PAK5: variants seen among roughly 807,000 people sequenced by gnomAD.
PAK5 encodes the protein p21 (RAC1) activated kinase 5, also known as serine/threonine-protein kinase PAK 5.
In PAK5, 16 loss-of-function variants were observed where a neutral mutation model predicts 65.9. The ratio of observed to expected loss-of-function variants is 0.24; its 90% CI spans 0.16 to 0.37. The LOEUF is 0.37. Ranked by LOEUF, PAK5 falls within the 10% of genes least tolerant of loss-of-function variation. PAK5 has a pLI of 1.00. For missense variants in PAK5, 785 were observed against 903.9 expected (o/e 0.87, Z 1.69); for synonymous variants, 371 against 354.9 (o/e 1.05, Z -0.51).
At chr20:9,797,213 C>T (rs2049114618) in intron 1 of PAK5, among the ~76,000 whole-genome samples, 1 of 151,784 alleles carries the variant, frequency 6.6e-6, no homozygotes, top group African/African-American at 2.4e-5. Flanking sequence ...TGTTCATATC[C>T]TTCACCCACT....
At chr20:9,820,200 GA>G (rs2049403352) in intron 1 of PAK5, among the ~76,000 whole-genome samples, 1 of 152,118 alleles carries the variant, frequency 6.6e-6, no homozygotes. Context: ...TTAATCTATA[GA>G]AAATCTATTC....
chr20:9,795,387 T>C (rs753382778), intron 1 of PAK5, among the ~76,000 whole-genome samples: 6 of 152,252 alleles, frequency 3.9e-5, no homozygotes, highest in Admixed American at 1.3e-4. Flanking sequence ...TATTTAAATG[T>C]CTTTAAAAAT....
At chr20:9,695,594 G>T (rs2047858147) in intron 2 of PAK5, among the ~76,000 whole-genome samples, 1 of 151,876 alleles carries the variant, frequency 6.6e-6, no homozygotes, top group Non-Finnish European at 1.5e-5. Context: ...CACTTCCAAG[G>T]AACTAAGGTA....
chr20:9,739,228 CTT>C (rs55690747), intron 1 of PAK5, among the ~76,000 whole-genome samples: 5 of 145,622 alleles, frequency 3.4e-5, no homozygotes, highest in Non-Finnish European at 3.0e-5. Flanking sequence ...TCTTTGCTTT[CTT>C]TTTTTTTTTT....
intron 1 of PAK5, among the ~76,000 whole-genome samples, chr20:9,724,018 G>T (rs773746591): frequency 6.5e-4 from 99 of 152,232 alleles, no homozygotes; most frequent in Non-Finnish European, 1.1e-3. Context: ...ATCTTAGTCT[G>T]TGGGCAACAG....
At position 9,539,084 on chromosome 20, in the gene PAK5, CTTTCT is replaced by C; in HGVS notation, c.*373_*377del. The C allele has an allele frequency of 1.8e-5, 4 of 216,504 alleles. No homozygotes were observed. The highest frequency in any genetic ancestry group is 1.7e-5 in the Non-Finnish European group (2 of 116,120). 13.4% of individuals were successfully genotyped at this position (216,504 alleles called of 1,614,324 possible). On this transcript the variant is annotated 3_prime_UTR_variant, in exon 10 of 10. Coordinates refer to ENST00000353224, the MANE Select transcript of PAK5 (RefSeq NM_177990.4). ...AAAAAAGTGCTTTTTGTTTTCCTTTCTTTCTTTTTTTTTTTTTTTTGCCAGAAAAG... is the reference window on the plus strand; with the variant it reads ...AAAAAAGTGCTTTTTGTTTTCCTTTCTTTTTTTTTTTTTTTGCCAGAAAAG...
Position 9,642,047 on chromosome 20 carries a change from G to A in PAK5, c.204+2078C>T, listed in dbSNP as rs537965484. Among the ~76,000 whole-genome samples the A allele has an allele frequency of 5.3e-5, 8 of 152,244 alleles. No individual in the cohort carries two copies. In the East Asian group the frequency reaches 9.7e-4, roughly 18 times the overall value. ...CAGAAAGGGGCTCCCACAGTGCAGC[G>A]GGGGGGCTGAAGGGCTCCTCAAATG... On this transcript the variant is annotated intron_variant, in intron 3 of 9. Transcript: ENST00000353224.
chr20:9,778,487 A>G (rs1434651200), intron 1 of PAK5, among the ~76,000 whole-genome samples: 1 of 152,104 alleles, frequency 6.6e-6, no homozygotes, highest in East Asian at 1.9e-4. Context: ...ATCCACCTAC[A>G]TTGGCCTCCC....
chr20:9,719,800 A>G (rs1210833653), intron 1 of PAK5, among the ~76,000 whole-genome samples: 1 of 152,100 alleles, frequency 6.6e-6, no homozygotes, highest in African/African-American at 2.4e-5. Context: ...CCTCTATAAC[A>G]CCTACTTACA....
intron 2 of PAK5, among the ~76,000 whole-genome samples, chr20:9,678,994 C>T (rs2047613562): frequency 6.6e-6 from 1 of 152,138 alleles, no homozygotes; most frequent in Non-Finnish European, 1.5e-5. Context: ...CAGGTTTGAA[C>T]TGCATGTGTT....
intron 2 of PAK5, among the ~76,000 whole-genome samples, chr20:9,694,472 G>A (rs1051852849): frequency 4.0e-5 from 6 of 151,808 alleles, no homozygotes; most frequent in Admixed American, 1.3e-4. Flanking sequence ...ACAGCTTAAC[G>A]ACTTTTCACA....
chr20:9,786,101 A>C (rs2048989999), intron 1 of PAK5, among the ~76,000 whole-genome samples: 1 of 152,164 alleles, frequency 6.6e-6, no homozygotes, highest in Admixed American at 6.6e-5. Context: ...TCACAGCCTG[A>C]TTCCAGCAGG....
At chr20:9,659,450 G>A (rs2047314339) in intron 2 of PAK5, among the ~76,000 whole-genome samples, 1 of 152,124 alleles carries the variant, frequency 6.6e-6, no homozygotes, top group South Asian at 2.1e-4. Flanking sequence ...AATGGTGTTC[G>A]ACTTATTTCC....
chr20:9,813,107 T>C (rs1255229416), intron 1 of PAK5, among the ~76,000 whole-genome samples: 1 of 152,082 alleles, frequency 6.6e-6, no homozygotes, highest in Non-Finnish European at 1.5e-5. Context: ...CCAAAATAAC[T>C]GTGATGAGTG....
At chr20:9,616,757 T>C (rs1166862717) in intron 3 of PAK5, among the ~76,000 whole-genome samples, 1 of 152,140 alleles carries the variant, frequency 6.6e-6, no homozygotes, top group Non-Finnish European at 1.5e-5. Flanking sequence ...AGGGGCCTGA[T>C]AACCTTCCCT....
chr20:9,809,021 C>T (rs1010283781), intron 1 of PAK5, among the ~76,000 whole-genome samples: 2 of 151,864 alleles, frequency 1.3e-5, no homozygotes, highest in East Asian at 1.9e-4. Context: ...GTAGGTATGT[C>T]GATGTTCTTT....
chr20:9,545,461 A>G (rs1287155526), intron 7 of PAK5, among the ~76,000 whole-genome samples: 2 of 152,218 alleles, frequency 1.3e-5, no homozygotes, highest in Non-Finnish European at 2.9e-5. Flanking sequence ...AAAGAAAACA[A>G]TGGTTCAGAA....
chr20:9,714,173 G>C (rs1329617316), intron 1 of PAK5, among the ~76,000 whole-genome samples: 1 of 151,824 alleles, frequency 6.6e-6, no homozygotes. Flanking sequence ...CCAGAGCCCG[G>C]GTATTTTCTT....
chr20:9,641,061 GT>G (rs909538372), intron 3 of PAK5, among the ~76,000 whole-genome samples: 1 of 152,186 alleles, frequency 6.6e-6, no homozygotes, highest in African/African-American at 2.4e-5. Context: ...CCAGTGGCCT[GT>G]TTTGTCAGGG....
Sources: allele counts gnomAD v4.1 joint callset (sites outside exome capture counted in the v4.1 genomes callset), GRCh38; gene constraint gnomAD v4.1.1; transcripts MANE v1.5; gene names NCBI Gene and HGNC (gene_info 2026-07-23, HGNC 2026-07-21).